FILIP1L: variants seen among roughly 807,000 people sequenced by gnomAD.
The protein encoded by FILIP1L is filamin A interacting protein 1 like, also known as filamin A-interacting protein 1-like.
A neutral mutation model predicts 96.6 loss-of-function variants in FILIP1L; 55 were observed. The observed-to-expected ratio is 0.57, with a 90% CI of 0.46 to 0.71. The LOEUF is 0.71. FILIP1L is among the 30% of genes least tolerant of loss of function. The pLI is 0.00. For missense variants in FILIP1L, 1,304 were observed against 1,321.2 expected, an observed-to-expected ratio of 0.99 and a Z score of 0.20; for synonymous variants, 467 against 473.9, an observed-to-expected ratio of 0.99 and a Z score of 0.19.
chr3:99,971,333 CAAAAAA>C (rs34655586), intron 1 of FILIP1L, among the ~76,000 whole-genome samples: 1 of 121,522 alleles, frequency 8.2e-6, no homozygotes, highest in Non-Finnish European at 1.7e-5. Flanking sequence ...GAGCCCATCT[CAAAAAA>C]AAAAAAAAAA....
At chr3:100,077,447 A>G (rs568942800) in intron 1 of FILIP1L, among the ~76,000 whole-genome samples, 165 of 152,364 alleles carry the variant, frequency 1.1e-3, no homozygotes, top group African/African-American at 3.9e-3. Flanking sequence ...CTATTAAGCC[A>G]TGGCTGGATT....
At chr3:99,909,217 T>G (rs540558141) in intron 4 of FILIP1L, among the ~76,000 whole-genome samples, 1 of 152,312 alleles carries the variant, frequency 6.6e-6, no homozygotes, top group East Asian at 1.9e-4. Flanking sequence ...TGGCCTCTTC[T>G]CATAAAATTA....
At chr3:99,992,833 A>G (rs925925687) in intron 1 of FILIP1L, among the ~76,000 whole-genome samples, 4 of 151,954 alleles carry the variant, frequency 2.6e-5, no homozygotes, top group Non-Finnish European at 5.9e-5. Flanking sequence ...TCTTGGGTTA[A>G]TTTTTGTATG....
intron 3 of FILIP1L, among the ~76,000 whole-genome samples, chr3:99,928,137 T>C (rs1220991383): frequency 6.6e-6 from 1 of 152,252 alleles, no homozygotes; most frequent in Non-Finnish European, 1.5e-5. Context: ...GTAATTAGGA[T>C]ACAGTCACAG....
chr3:100,017,930 AC>A (rs2107218681), intron 1 of FILIP1L, among the ~76,000 whole-genome samples: 1 of 152,196 alleles, frequency 6.6e-6, no homozygotes, highest in East Asian at 1.9e-4. Flanking sequence ...AGATTGTGGA[AC>A]TTCTCAGCCT....
chr3:99,913,071 C>T (rs1011066854), intron 4 of FILIP1L, among the ~76,000 whole-genome samples: 2 of 152,088 alleles, frequency 1.3e-5, no homozygotes, highest in Non-Finnish European at 2.9e-5. Flanking sequence ...CTTTCCACCA[C>T]GTGAGGAAAC....
chr3:99,943,131 C>G (rs1373002403), intron 1 of FILIP1L, among the ~76,000 whole-genome samples: 1 of 152,134 alleles, frequency 6.6e-6, no homozygotes. Flanking sequence ...TAAAGGCGAA[C>G]TTAATTTCTG....
At chr3:99,938,073 G>GTA (rs1373920915) in intron 1 of FILIP1L, among the ~76,000 whole-genome samples, 9 of 47,756 alleles carry the variant, frequency 1.9e-4, no homozygotes, top group African/African-American at 7.2e-4. Context: ...GTGTGTGTGT[G>GTA]TGCGCGCGCG....
chr3:99,885,805 G>A (rs1179003119), intron 4 of FILIP1L, among the ~76,000 whole-genome samples: 2 of 152,118 alleles, frequency 1.3e-5, no homozygotes, highest in South Asian at 4.1e-4. Flanking sequence ...GAGACTTGAA[G>A]GCTTTTGTGT....
chr3:99,986,020 A>G (rs1484023570), intron 1 of FILIP1L, among the ~76,000 whole-genome samples: 1 of 152,218 alleles, frequency 6.6e-6, no homozygotes. Context: ...TACAGTTTGC[A>G]CGTGGACCCA....
At chr3:99,961,898 G>A (rs1178188244) in intron 1 of FILIP1L, among the ~76,000 whole-genome samples, 1 of 68,378 alleles carries the variant, frequency 1.5e-5, no homozygotes, top group African/African-American at 1.0e-4. Context: ...CTAGAAACTA[G>A]GGAAGCACTG....
At chr3:100,039,179 C>T (rs1428466261) in intron 1 of FILIP1L, among the ~76,000 whole-genome samples, 1 of 152,176 alleles carries the variant, frequency 6.6e-6, no homozygotes, top group Non-Finnish European at 1.5e-5. Context: ...CATTCCCAGA[C>T]CTTTCACTGT....
At chr3:100,096,896 C>T (rs1362035869) in intron 1 of FILIP1L, among the ~76,000 whole-genome samples, 1 of 152,098 alleles carries the variant, frequency 6.6e-6, no homozygotes, top group East Asian at 1.9e-4. Flanking sequence ...TATACACCTA[C>T]TATGTACCCA....
intron 1 of FILIP1L, among the ~76,000 whole-genome samples, chr3:99,942,569 C>T (rs1009705603): frequency 2.0e-5 from 3 of 152,332 alleles, no homozygotes; most frequent in East Asian, 3.9e-4. Flanking sequence ...CCGTGGCTCA[C>T]GCCTGTAATC....
intron 1 of FILIP1L, among the ~76,000 whole-genome samples, chr3:99,983,422 A>ATATATATATATATG (rs1559713456): frequency 1.3e-4 from 11 of 86,928 alleles, no homozygotes; most frequent in South Asian, 1.2e-3. Flanking sequence ...ATATATATGT[A>ATATATATATATATG]TGTATGTATG....
At chr3:99,984,685 A>C (rs1709278529) in intron 1 of FILIP1L, among the ~76,000 whole-genome samples, 1 of 152,190 alleles carries the variant, frequency 6.6e-6, no homozygotes, top group African/African-American at 2.4e-5. Flanking sequence ...TACTTTGGCT[A>C]CTGTGGGGGA....
chr3:99,927,258 A>T (rs1369711783), intron 3 of FILIP1L, among the ~76,000 whole-genome samples: 1 of 152,254 alleles, frequency 6.6e-6, no homozygotes, highest in Non-Finnish European at 1.5e-5. Flanking sequence ...AAGCTTAATT[A>T]TACCATTGCT....
chr3:100,046,800 A>G (rs1000703822), intron 1 of FILIP1L, among the ~76,000 whole-genome samples: 5 of 152,194 alleles, frequency 3.3e-5, no homozygotes, highest in African/African-American at 9.7e-5. Context: ...TGTATCTTCA[A>G]TACCTCAGCC....
chr3:99,922,339 A>G (rs1707151059), intron 4 of FILIP1L, among the ~76,000 whole-genome samples: 1 of 152,202 alleles, frequency 6.6e-6, no homozygotes, highest in South Asian at 2.1e-4. Context: ...GTCTGAGTCA[A>G]ATGTTTCTTT....
Sources: allele counts gnomAD v4.1 joint callset (sites outside exome capture counted in the v4.1 genomes callset), GRCh38; gene constraint gnomAD v4.1.1; transcripts MANE v1.5; gene names NCBI Gene and HGNC (gene_info 2026-07-23, HGNC 2026-07-21).